Variants in NPAS3 observed in about 807,000 individuals in gnomAD.
NPAS3 encodes neuronal PAS domain protein 3, also known as neuronal PAS domain-containing protein 3.
Under a neutral mutation model 73.1 loss-of-function variants are expected in NPAS3, and 14 were observed. The observed-to-expected ratio is 0.19, with a 90% CI of 0.13 to 0.30. NPAS3 has a LOEUF of 0.30. Ranked by LOEUF, NPAS3 falls within the 10% of genes least tolerant of loss-of-function variation. NPAS3 has a pLI of 1.00. For synonymous variants in NPAS3, 620 were observed against 541.5 expected (o/e 1.14, Z -2.01); for missense variants, 1,096 against 1,250.0 (o/e 0.88, Z 1.86).
At chr14:33,798,767 A>G (rs2063588068) in intron 11 of NPAS3, among the ~76,000 whole-genome samples, 1 of 152,170 alleles carries the variant, frequency 6.6e-6, no homozygotes, top group African/African-American at 2.4e-5. Flanking sequence ...TACAGTGCAT[A>G]GTTGTGAACA....
intron 6 of NPAS3, among the ~76,000 whole-genome samples, chr14:33,707,363 G>A (rs1195906309): frequency 2.0e-5 from 3 of 151,748 alleles, no homozygotes; most frequent in Non-Finnish European, 4.4e-5. Flanking sequence ...AAAGGAGAAT[G>A]ATGATTATTT....
chr14:33,626,719 T>G (rs2058229747), intron 5 of NPAS3, among the ~76,000 whole-genome samples: 1 of 152,224 alleles, frequency 6.6e-6, no homozygotes, highest in Admixed American at 6.5e-5. Context: ...CAAAGCTTCC[T>G]GCCTGTATGG....
chr14:33,243,681 T>C (rs1041665087), intron 3 of NPAS3, among the ~76,000 whole-genome samples: 21 of 151,980 alleles, frequency 1.4e-4, no homozygotes, highest in African/African-American at 5.1e-4. Flanking sequence ...AACATAGACA[T>C]TTAAGAAGAA....
At chr14:33,309,245 C>T (rs2042905776) in intron 3 of NPAS3, among the ~76,000 whole-genome samples, 1 of 152,156 alleles carries the variant, frequency 6.6e-6, no homozygotes. Context: ...TTTGTCCCTC[C>T]ATGTCACGGT....
intron 4 of NPAS3, among the ~76,000 whole-genome samples, chr14:33,404,631 C>A (rs2047586829): frequency 6.6e-6 from 1 of 151,874 alleles, no homozygotes; most frequent in Admixed American, 6.6e-5. Flanking sequence ...TATTAATGAC[C>A]TGTTTTACAC....
intron 5 of NPAS3, among the ~76,000 whole-genome samples, chr14:33,654,225 C>A (rs1327556627): frequency 6.6e-6 from 1 of 151,348 alleles, no homozygotes; most frequent in African/African-American, 2.4e-5. Context: ...AATTAATAAT[C>A]TAATCAATCA....
intron 4 of NPAS3, among the ~76,000 whole-genome samples, chr14:33,486,869 A>G (rs901339329): frequency 6.6e-6 from 1 of 152,192 alleles, no homozygotes; most frequent in Non-Finnish European, 1.5e-5. Context: ...ATAGAGACAG[A>G]GAATATCACT....
At chr14:33,301,516 T>C (rs546700649) in intron 3 of NPAS3, among the ~76,000 whole-genome samples, 1 of 151,842 alleles carries the variant, frequency 6.6e-6, no homozygotes. Context: ...GTGAGCTTCT[T>C]TTCAGTGGTG....
At position 32,986,327 on chromosome 14, in the gene NPAS3, A is replaced by G. The variant is rs78884541; in HGVS notation, c.50+46961A>G. Among the ~76,000 whole-genome samples the G allele has an allele frequency of 1.9e-3, 290 of 152,302 alleles. 1 individual carries two copies. The highest frequency in any genetic ancestry group is 0.014 in the South Asian group (69 of 4,824). On this transcript the variant is annotated intron_variant, in intron 1 of 11. Transcript: ENST00000356141. ...GCGTATTTTAATGAGGAGAAAGGGAAGTATAGTCTCTTTAATTTAAAATAT... is the reference window on the plus strand; with the variant it reads ...GCGTATTTTAATGAGGAGAAAGGGAGGTATAGTCTCTTTAATTTAAAATAT...
intron 6 of NPAS3, among the ~76,000 whole-genome samples, chr14:33,688,893 G>T (rs2060160251): frequency 6.6e-6 from 1 of 152,274 alleles, no homozygotes; most frequent in South Asian, 2.1e-4. Context: ...GTGCAGTGGT[G>T]GTAATCAGTT....
intron 4 of NPAS3, among the ~76,000 whole-genome samples, chr14:33,557,925 C>T (rs1480977832): frequency 3.3e-5 from 5 of 152,140 alleles, no homozygotes; most frequent in Non-Finnish European, 7.3e-5. Context: ...GCTGCGGTCT[C>T]GCTACCGCAC....
At chr14:33,549,268 A>G (rs747295773) in intron 4 of NPAS3, among the ~76,000 whole-genome samples, 8 of 152,148 alleles carry the variant, frequency 5.3e-5, no homozygotes, top group Non-Finnish European at 8.8e-5. Flanking sequence ...GTCTCACTCT[A>G]TCACTCAGGT....
chr14:33,641,677 T>G (rs928520799), intron 5 of NPAS3, among the ~76,000 whole-genome samples: 1 of 152,072 alleles, frequency 6.6e-6, no homozygotes, highest in African/African-American at 2.4e-5. Context: ...TCTGGTAATG[T>G]AAACCCAGCA....
intron 10 of NPAS3, among the ~76,000 whole-genome samples, chr14:33,796,334 C>T (rs917724194): frequency 5.3e-5 from 8 of 152,150 alleles, no homozygotes; most frequent in African/African-American, 1.4e-4. Context: ...TATTCAGAGA[C>T]AGAGTCCACC....
intron 4 of NPAS3, among the ~76,000 whole-genome samples, chr14:33,507,379 A>G (rs572241910): frequency 6.6e-6 from 1 of 152,202 alleles, no homozygotes; most frequent in African/African-American, 2.4e-5. Context: ...AGGAAGTAAA[A>G]CAGCAGGACA....
intron 2 of NPAS3, among the ~76,000 whole-genome samples, chr14:33,154,715 C>T (rs955633948): frequency 6.6e-6 from 1 of 152,234 alleles, no homozygotes; most frequent in Non-Finnish European, 1.5e-5. Context: ...TTCCAGGCCA[C>T]TGGCTTCTTA....
chr14:33,327,307 G>A (rs922778135), intron 3 of NPAS3, among the ~76,000 whole-genome samples: 1 of 152,164 alleles, frequency 6.6e-6, no homozygotes, highest in Non-Finnish European at 1.5e-5. Context: ...TTGTATGTAC[G>A]TGATCTTATT....
intron 2 of NPAS3, among the ~76,000 whole-genome samples, chr14:33,104,997 T>A (rs764041851): frequency 6.6e-6 from 1 of 152,262 alleles, no homozygotes; most frequent in East Asian, 1.9e-4. Flanking sequence ...CTAGCCAACA[T>A]AGGAATTTTG....
intron 1 of NPAS3, among the ~76,000 whole-genome samples, chr14:33,001,684 C>A (rs2038812269): frequency 1.3e-5 from 2 of 152,154 alleles, no homozygotes; most frequent in South Asian, 4.1e-4. Flanking sequence ...TTTCTTCTTC[C>A]ATCTGCACAC....
Sources: gnomAD v4.1 joint callset for allele counts (sites outside exome capture counted in the v4.1 genomes callset) on GRCh38, gnomAD v4.1.1 for gene constraint, MANE v1.5 for transcripts, NCBI Gene and HGNC (gene_info 2026-07-23, HGNC 2026-07-21) for gene names.